FAM171A1: variants seen among roughly 807,000 people sequenced by gnomAD.
FAM171A1 encodes the protein protein FAM171A1.
FAM171A1 carries 23 observed loss-of-function variants against 74.9 expected under a neutral mutation model. That is an observed-to-expected ratio of 0.31 (90% confidence interval 0.22 to 0.44). FAM171A1 has a LOEUF of 0.44. Ranked by LOEUF, FAM171A1 falls within the 20% of genes least tolerant of loss-of-function variation. FAM171A1 has a pLI of 1.00. For missense variants in FAM171A1, 1,162 were observed against 1,159.2 expected (o/e 1.00, Z -0.03); for synonymous variants, 527 against 505.7 (o/e 1.04, Z -0.57).
intron 1 of FAM171A1, among the ~76,000 whole-genome samples, chr10:15,315,286 G>A (rs935257974): frequency 6.6e-6 from 1 of 152,174 alleles, no homozygotes; most frequent in African/African-American, 2.4e-5. Flanking sequence ...GGCGCAAGCT[G>A]TCTCATCTTC....
chr10:15,271,382 T>C (rs1311314707), intron 3 of FAM171A1, among the ~76,000 whole-genome samples: 1 of 152,200 alleles, frequency 6.6e-6, no homozygotes, highest in African/African-American at 2.4e-5. Flanking sequence ...TATGGGACTA[T>C]GTGAAAAGAC....
Position 15,371,114 on chromosome 10 carries a change from A to C in FAM171A1, c.-62T>G. 2 of 768,474 alleles carry C rather than the reference A, an allele frequency of 2.6e-6. No individual in the cohort carries two copies. Among genetic ancestry groups the C allele is most frequent in the Non-Finnish European group, 3.1e-6 (2 of 637,290 alleles). 47.6% of individuals were successfully genotyped at this position (768,474 alleles called of 1,614,324 possible). A position where few individuals can be genotyped will look rare whatever the true frequency, so the allele number is the denominator to read the frequency against. ...AGAGCGGGCCGGGCGGCGGCGCGTC[A>C]CGGGCGGCCGGGCGCCGCGCCCCCC... On this transcript the variant is annotated 5_prime_UTR_variant, in exon 1 of 8. It removes the in-frame stop codon of an upstream open reading frame in the 5' UTR. Transcript: ENST00000378116.
At chr10:15,232,297 C>T (rs1834217382) in intron 5 of FAM171A1, among the ~76,000 whole-genome samples, 1 of 152,068 alleles carries the variant, frequency 6.6e-6, no homozygotes, top group South Asian at 2.1e-4. Context: ...TGTCACTTCT[C>T]CAAAGGCTCT....
chr10:15,372,862 C>T (rs1836166741), upstream of FAM171A1, among the ~76,000 whole-genome samples: 2 of 152,102 alleles, frequency 1.3e-5, no homozygotes, highest in African/African-American at 4.8e-5. Context: ...TCCACACAAC[C>T]TTCACCTCCA....
rs76602382 is a variant in FAM171A1 at position 15,225,196 on chromosome 10, G to A, written c.755-4136C>T. On this transcript the variant is annotated intron_variant, in intron 5 of 7. Coordinates refer to ENST00000378116, the MANE Select transcript of FAM171A1 (RefSeq NM_001010924.2). Reference sequence around the variant, plus strand: ...TTGCGTTCCTTTTGTTTTCTTCTCAGCACCTAGAGATATGCATAGAGTAGG... The same window carrying A: ...TTGCGTTCCTTTTGTTTTCTTCTCAACACCTAGAGATATGCATAGAGTAGG... Among the ~76,000 whole-genome samples the A allele has an allele frequency of 9.1e-3, 1,388 of 152,230 alleles. 73 individuals are homozygous for A. In the East Asian group the frequency reaches 0.18, roughly 19 times the overall value.
intron 1 of FAM171A1, among the ~76,000 whole-genome samples, chr10:15,322,624 G>A (rs1053526804): frequency 2.0e-5 from 3 of 152,142 alleles, no homozygotes; most frequent in East Asian, 1.9e-4. Flanking sequence ...GTTTCAAGCC[G>A]ACAGCCCGAA....
intron 5 of FAM171A1, among the ~76,000 whole-genome samples, chr10:15,247,384 G>A (rs78969761): frequency 1.1e-4 from 16 of 151,924 alleles, no homozygotes; most frequent in African/African-American, 3.1e-4. Context: ...CAATCCTCCC[G>A]CCTCAGCCTC....
chr10:15,359,292 TAC>T (rs1564290517), intron 1 of FAM171A1, among the ~76,000 whole-genome samples: 1 of 152,182 alleles, frequency 6.6e-6, no homozygotes, highest in Non-Finnish European at 1.5e-5. Context: ...AAAGTCAGCA[TAC>T]AAAAACAGCA....
At chr10:15,232,602 C>T (rs1047922353) in intron 5 of FAM171A1, among the ~76,000 whole-genome samples, 3 of 152,146 alleles carry the variant, frequency 2.0e-5, no homozygotes, top group East Asian at 1.9e-4. Context: ...TTAATGTTGG[C>T]GGTAAATTCA....
chr10:15,368,312 T>C (rs1349007122), intron 1 of FAM171A1, among the ~76,000 whole-genome samples: 1 of 152,232 alleles, frequency 6.6e-6, no homozygotes, highest in Non-Finnish European at 1.5e-5. Context: ...ATTCTGCAGA[T>C]GCTAGTTTCA....
At chr10:15,228,645 C>G (rs1428953373) in intron 5 of FAM171A1, among the ~76,000 whole-genome samples, 3 of 152,228 alleles carry the variant, frequency 2.0e-5, no homozygotes, top group African/African-American at 4.8e-5. Flanking sequence ...CGCGCCAGCC[C>G]AAGTGACTGT....
intron 1 of FAM171A1, among the ~76,000 whole-genome samples, chr10:15,370,243 T>TC (rs1564294324): frequency 6.8e-6 from 1 of 146,296 alleles, no homozygotes; most frequent in Non-Finnish European, 1.5e-5. Context: ...GATTTTTCTT[T>TC]TTTTTTTTTT....
At chr10:15,357,175 C>A (rs1005020119) in intron 1 of FAM171A1, among the ~76,000 whole-genome samples, 3 of 151,946 alleles carry the variant, frequency 2.0e-5, no homozygotes, top group Non-Finnish European at 2.9e-5. Flanking sequence ...CCCAGCTACT[C>A]GGGAGGCTGA....
intron 5 of FAM171A1, among the ~76,000 whole-genome samples, chr10:15,247,234 T>C (rs1236493416): frequency 6.6e-6 from 1 of 152,252 alleles, no homozygotes; most frequent in Non-Finnish European, 1.5e-5. Context: ...TGGAAAGATG[T>C]TCATGCTGTA....
chr10:15,316,495 C>A (rs990372316), intron 1 of FAM171A1, among the ~76,000 whole-genome samples: 3 of 152,188 alleles, frequency 2.0e-5, no homozygotes, highest in Admixed American at 1.3e-4. Flanking sequence ...GTCTGGCTAC[C>A]CTGGTTCTAA....
chr10:15,370,300 C>G (rs954400617), intron 1 of FAM171A1, among the ~76,000 whole-genome samples: 3 of 146,264 alleles, frequency 2.1e-5, no homozygotes, highest in African/African-American at 7.6e-5. Flanking sequence ...TCTTTCTTCC[C>G]TTACAGAGAA....
intron 6 of FAM171A1, among the ~76,000 whole-genome samples, chr10:15,219,243 T>C (rs748879242): frequency 2.0e-5 from 3 of 152,018 alleles, no homozygotes; most frequent in Non-Finnish European, 4.4e-5. Flanking sequence ...GATCATGCCA[T>C]GGTACTCCAG....
chr10:15,249,481 G>T (rs762762355), intron 4 of FAM171A1, among the ~76,000 whole-genome samples: 1 of 152,166 alleles, frequency 6.6e-6, no homozygotes, highest in African/African-American at 2.4e-5. Context: ...GTGAGACAAA[G>T]GTGTAAGTGG....
chr10:15,339,059 C>T lies in FAM171A1; in HGVS notation c.97+31897G>A, dbSNP rs192345622. 9.9e-5 allele frequency among the ~76,000 whole-genome samples: 15 copies of T among 152,230 alleles called. No homozygotes were observed. In the East Asian group the frequency reaches 1.7e-3, roughly 18 times the overall value. ...CAGCCCTGGATTACAGTTTTGAGGG[C>T]AGCTGCTAAGGTTAAGTTTTTTAAG... is the stretch of plus-strand genomic sequence containing the variant. On this transcript the variant is annotated intron_variant, in intron 1 of 7. Coordinates refer to ENST00000378116, the MANE Select transcript of FAM171A1 (RefSeq NM_001010924.2).
Sources: gnomAD v4.1 joint callset for allele counts (sites outside exome capture counted in the v4.1 genomes callset) on GRCh38, gnomAD v4.1.1 for gene constraint, MANE v1.5 for transcripts, NCBI Gene and HGNC (gene_info 2026-07-23, HGNC 2026-07-21) for gene names.